PAX7: variants seen among roughly 807,000 people sequenced by gnomAD.
The protein encoded by PAX7 is paired box protein Pax-7.
A neutral mutation model predicts 50.7 loss-of-function variants in PAX7; 18 were observed. The observed-to-expected ratio is 0.36, with a 90% CI of 0.25 to 0.53. The LOEUF is 0.53. PAX7 is among the 20% of genes least tolerant of loss of function. The pLI is 0.93. For synonymous variants in PAX7, 310 were observed against 290.4 expected (o/e 1.07, Z -0.69); for missense variants, 644 against 702.9 (o/e 0.92, Z 0.95).
At chr1:18,681,417 G>C (rs576125391) in intron 4 of PAX7, among the ~76,000 whole-genome samples, 3 of 152,214 alleles carry the variant, frequency 2.0e-5, no homozygotes, top group Admixed American at 1.3e-4. Flanking sequence ...CTTTGTGCTT[G>C]GTTCACAGCT....
chr1:18,740,475 G>C (rs143062934), intron 8 of PAX7, among the ~76,000 whole-genome samples: 2 of 152,150 alleles, frequency 1.3e-5, no homozygotes, highest in African/African-American at 4.8e-5. Context: ...CGACCTCTCC[G>C]TACCTCAGTT....
intron 4 of PAX7, among the ~76,000 whole-genome samples, chr1:18,662,914 GAA>G (rs56372683): frequency 0.095 from 14,061 of 147,932 alleles, 780 homozygotes; most frequent in Admixed American, 0.13. Flanking sequence ...TTATTGTGAA[GAA>G]AAAAAAAAAA....
At chr1:18,731,666 G>T (rs936387986) in intron 7 of PAX7, among the ~76,000 whole-genome samples, 13 of 152,068 alleles carry the variant, frequency 8.5e-5, no homozygotes, top group African/African-American at 2.9e-4. Context: ...GGAGACAGGG[G>T]GTTGGATGAA....
rs149847905 is a variant in PAX7, at chr1:18,726,094, G to A, written c.1156-9538G>A. On this transcript the variant is annotated intron_variant, in intron 7 of 8. Transcript: ENST00000420770. The surrounding 1 kb of genome is among the most constrained non-coding windows in gnomAD (Gnocchi z 4.8). ...GGAATGCCATTCTGTTCCTCCCTCCGCCCCCACCTCACCTCTAGACATCTT... is the reference window on the plus strand; with the variant it reads ...GGAATGCCATTCTGTTCCTCCCTCCACCCCCACCTCACCTCTAGACATCTT... Among the ~76,000 whole-genome samples the A allele has an allele frequency of 4.3e-3, 627 of 145,736 alleles. 3 individuals carry two copies. Among genetic ancestry groups the A allele is most frequent in the African/African-American group, 0.015 (599 of 38,928 alleles).
chr1:18,705,706 C>A (rs982694423), intron 7 of PAX7, among the ~76,000 whole-genome samples: 1 of 152,184 alleles, frequency 6.6e-6, no homozygotes, highest in African/African-American at 2.4e-5. Context: ...GGAAGTATCT[C>A]CCCCATGGCA....
At chr1:18,741,251 C>A (rs1298388820) in intron 8 of PAX7, among the ~76,000 whole-genome samples, 2 of 152,084 alleles carry the variant, frequency 1.3e-5, no homozygotes, top group African/African-American at 2.4e-5. Flanking sequence ...GAGTTTGAGA[C>A]CAGCCTGGCC....
intron 7 of PAX7, among the ~76,000 whole-genome samples, chr1:18,715,588 G>T (rs553416462): frequency 6.6e-6 from 1 of 152,142 alleles, no homozygotes; most frequent in South Asian, 2.1e-4. Flanking sequence ...GAGCAGGGGG[G>T]TCAAGATGCA....
intron 4 of PAX7, among the ~76,000 whole-genome samples, chr1:18,668,643 G>A (rs2088701124): frequency 6.6e-6 from 1 of 152,206 alleles, no homozygotes; most frequent in Non-Finnish European, 1.5e-5. Flanking sequence ...GGTCGGGGCT[G>A]CAGTGAGCCT....
intron 4 of PAX7, among the ~76,000 whole-genome samples, chr1:18,647,322 T>C (rs939624733): frequency 6.6e-6 from 1 of 152,180 alleles, no homozygotes; most frequent in Non-Finnish European, 1.5e-5. Flanking sequence ...CGCTAAGTGC[T>C]ACATGGCTTG....
chr1:18,631,338 T>G lies in PAX7; in HGVS notation c.-266T>G. 7 of 426,980 alleles carry G rather than the reference T, an allele frequency of 1.6e-5. No homozygotes were observed. The highest frequency in any genetic ancestry group is 7.5e-5 in the East Asian group (2 of 26,826). The allele number at this position is 426,980 out of a possible 1,614,324, so 26.4% of individuals were successfully genotyped here. On this transcript the variant is annotated 5_prime_UTR_variant, in exon 1 of 9. Transcript: ENST00000420770. ...GGCAGAGGCGGACTTGGGGTTGGAG[T>G]GTTTGTTTGTTTGAACTTCCTCGTC...
chr1:18,714,670 A>G (rs1570214938), intron 7 of PAX7, among the ~76,000 whole-genome samples: 1 of 152,194 alleles, frequency 6.6e-6, no homozygotes, highest in Non-Finnish European at 1.5e-5. Context: ...GCTAGCAGAG[A>G]GCCTTCCTAT....
At chr1:18,694,053 A>G (rs956733685) in intron 5 of PAX7, among the ~76,000 whole-genome samples, 1 of 152,200 alleles carries the variant, frequency 6.6e-6, no homozygotes, top group Non-Finnish European at 1.5e-5. Context: ...AGCTCCCTCT[A>G]GGGCAGGGCA....
chr1:18,668,938 A>G (rs539757998), intron 4 of PAX7, among the ~76,000 whole-genome samples: 1 of 152,270 alleles, frequency 6.6e-6, no homozygotes, highest in East Asian at 1.9e-4. Context: ...GACACATCTT[A>G]GGTAACCTTC....
Position 18,726,903 on chromosome 1 carries a change from A to G in PAX7, c.1156-8729A>G, listed in dbSNP as rs2089578764. Among the ~76,000 whole-genome samples, 1 of 152,188 alleles carries G rather than the reference A, an allele frequency of 6.6e-6. No individual in the cohort carries two copies. ...AGCCCCCACCCTGGTCAGAGATGGC[A>G]GTCAATGACCCGGTGTTCACCACGT... On this transcript the variant is annotated intron_variant, in intron 7 of 8. Transcript: ENST00000420770. The surrounding 1 kb of genome is among the most constrained non-coding windows in gnomAD (Gnocchi z 4.8).
chr1:18,725,993 TGCGCGCGC>T (rs61357866), intron 7 of PAX7, among the ~76,000 whole-genome samples: 8 of 148,528 alleles, frequency 5.4e-5, no homozygotes, highest in African/African-American at 2.0e-4. Context: ...TGTGTGTGTG[TGCGCGCGC>T]GCGCGTGCGC....
Position 18,700,932 on chromosome 1 carries a change from C to A in PAX7, c.952+114C>A. 1.9e-6 allele frequency: 2 copies of A among 1,070,744 alleles called. No individual in the cohort carries two copies. Among genetic ancestry groups the A allele is most frequent in the Non-Finnish European group, 2.5e-6 (2 of 789,880 alleles). The allele number at this position is 1,070,744 out of a possible 1,614,324, so 66.3% of individuals were successfully genotyped here. ...TGACCATTTCTTACTTTCATGTAAG[C>A]AGGCTATTGAGAGCAAAAAGATGCA... On this transcript the variant is annotated intron_variant, in intron 6 of 8. Coordinates refer to ENST00000420770, the MANE Select transcript of PAX7 (RefSeq NM_001135254.2). This position sits in a 1 kb window ranked among gnomAD's most constrained non-coding sequence, Gnocchi z 4.8.
Position 18,735,610 on chromosome 1 carries a change from A to T in PAX7, c.1156-22A>T. On this transcript the variant is annotated intron_variant, in intron 7 of 8. Coordinates refer to ENST00000420770, the MANE Select transcript of PAX7 (RefSeq NM_001135254.2). The surrounding 1 kb of genome is among the most constrained non-coding windows in gnomAD (Gnocchi z 4.0). ...CTGGGGTCTGTCCGGTGAGCCTGGC[A>T]CTAATGGCCTTTTCCCCACAGGTGA... 4.4e-6 allele frequency: 7 copies of T among 1,598,950 alleles called. No individual in the cohort carries two copies. Among genetic ancestry groups the T allele is most frequent in the Non-Finnish European group, 6.0e-6 (7 of 1,169,670 alleles).
intron 7 of PAX7, among the ~76,000 whole-genome samples, chr1:18,719,620 C>A (rs546065741): frequency 1.6e-4 from 25 of 152,340 alleles, no homozygotes; most frequent in African/African-American, 5.8e-4. Context: ...GACATACTGC[C>A]CAGGGGCAGA....
At chr1:18,664,755 C>T (rs186317323) in intron 4 of PAX7, among the ~76,000 whole-genome samples, 4 of 152,072 alleles carry the variant, frequency 2.6e-5, no homozygotes, top group Admixed American at 1.3e-4. Context: ...GGTGAGCCCC[C>T]GAGAAGGGGA....
Sources: gnomAD v4.1 joint callset for allele counts (sites outside exome capture counted in the v4.1 genomes callset) on GRCh38, gnomAD v4.1.1 for gene constraint, Gnocchi (gnomAD v3.1) non-coding constraint, MANE v1.5 for transcripts, NCBI Gene and HGNC (gene_info 2026-07-23, HGNC 2026-07-21) for gene names.